RAD17: variants seen among roughly 807,000 people sequenced by gnomAD.
RAD17 encodes the protein cell cycle checkpoint protein RAD17.
RAD17 carries 31 observed loss-of-function variants against 81.5 expected under a neutral mutation model. The ratio of observed to expected loss-of-function variants is 0.38; its 90% CI spans 0.29 to 0.51. The LOEUF (loss-of-function observed/expected upper bound fraction) is 0.51. Ranked by LOEUF, RAD17 falls within the 20% of genes least tolerant of loss-of-function variation. RAD17 has a pLI of 0.88. For synonymous variants in RAD17, 261 were observed against 266.2 expected (o/e 0.98, Z 0.19); for missense variants, 681 against 781.2 (o/e 0.87, Z 1.53).
Position 69,414,432 on chromosome 5 carries a change from A to C in RAD17, c.*140A>C. 1.0e-6 allele frequency: 1 copy of C among 956,610 alleles called. No individual in the cohort carries two copies. The highest frequency in any genetic ancestry group is 1.5e-6 in the Non-Finnish European group (1 of 655,088). 59.3% of individuals were successfully genotyped at this position (956,610 alleles called of 1,614,324 possible). On this transcript the variant is annotated 3_prime_UTR_variant, in exon 19 of 19. Coordinates refer to ENST00000354868, the MANE Select transcript of RAD17 (RefSeq NM_133338.3). Reference sequence around the variant, plus strand: ...TTCATTCTTGTAGTATTTCATCACAAGAAACCTACTCTTCTGTCATCTTGA... The same window carrying C: ...TTCATTCTTGTAGTATTTCATCACACGAAACCTACTCTTCTGTCATCTTGA...
intron 3 of RAD17, 82 bp downstream of exon 3, chr5:69,371,639 TGCTATCAAAGTAATAGAGCCGAGTATCTA>T: frequency 2.7e-6 from 2 of 728,964 alleles, no homozygotes; most frequent in Non-Finnish European, 3.9e-6. Flanking sequence ...AACTTATTAC[TGCTATCAAAGTAATAGAGCCGAGTATCTA>T]TTGTAATTAA....
chr5:69,407,372 A>G (rs961764120), intron 17 of RAD17, among the ~76,000 whole-genome samples: 1 of 151,998 alleles, frequency 6.6e-6, no homozygotes, highest in Admixed American at 6.6e-5. Flanking sequence ...GGTTTTTCTT[A>G]TCAATTTTTA....
intron 4 of RAD17, among the ~76,000 whole-genome samples, chr5:69,372,597 A>T (rs1254290696): frequency 2.0e-5 from 3 of 152,082 alleles, no homozygotes; most frequent in Non-Finnish European, 4.4e-5. Flanking sequence ...TTATTAGCTA[A>T]TAATTTCTAA....
intron 6 of RAD17, among the ~76,000 whole-genome samples, chr5:69,381,249 G>C (rs1423082261): frequency 1.3e-5 from 2 of 152,066 alleles, no homozygotes; most frequent in Non-Finnish European, 2.9e-5. Context: ...GGGAGACCAT[G>C]GCGGGCAAAT....
At chr5:69,379,004 G>C (rs952217988) in intron 6 of RAD17, among the ~76,000 whole-genome samples, 4 of 152,312 alleles carry the variant, frequency 2.6e-5, no homozygotes, top group Non-Finnish European at 5.9e-5. Context: ...CACTTTGGGA[G>C]GTCGAGGTGG....
intron 18 of RAD17, among the ~76,000 whole-genome samples, chr5:69,413,467 T>C (rs1251505399): frequency 6.6e-6 from 1 of 152,226 alleles, no homozygotes; most frequent in Non-Finnish European, 1.5e-5. Context: ...AAAAATTCTT[T>C]ACTGAAGACA....
At chr5:69,398,127 A>T (rs1378646663) in intron 16 of RAD17, among the ~76,000 whole-genome samples, 1 of 152,056 alleles carries the variant, frequency 6.6e-6, no homozygotes, top group Non-Finnish European at 1.5e-5. Flanking sequence ...AAAAAAAAAA[A>T]AGAAAATCAC....
intron 17 of RAD17, among the ~76,000 whole-genome samples, chr5:69,406,937 T>C (rs960582628): frequency 5.3e-5 from 8 of 152,082 alleles, no homozygotes; most frequent in Admixed American, 2.0e-4. Context: ...TAAAACAATA[T>C]GTTGCCCACA....
chr5:69,369,954 G>C (rs1762826110), intron 1 of RAD17, 21 bp downstream of exon 1: 2 of 558,194 alleles, frequency 3.6e-6, no homozygotes, highest in South Asian at 4.6e-5. Context: ...CGCGGTTGCG[G>C]CTATATTATG....
At position 69,391,822 on chromosome 5, in the gene RAD17, A is replaced by G. The variant is rs1764570411; in HGVS notation, c.1007-9A>G. 6.8e-7 allele frequency: 1 copy of G among 1,477,608 alleles called. No individual in the cohort carries two copies. The highest frequency in any genetic ancestry group is 9.0e-7 in the Non-Finnish European group (1 of 1,107,254). The allele number at this position is 1,477,608 out of a possible 1,614,324, so 91.5% of individuals were successfully genotyped here. On this transcript the variant is annotated splice_polypyrimidine_tract_variant and intron_variant, in intron 12 of 18. Transcript: ENST00000354868. Reference sequence around the variant, plus strand: ...TTTAAATATTGTCACTTGGATGTATATTATTCAGGAGAAAACAACTTACGG... The same window carrying G: ...TTTAAATATTGTCACTTGGATGTATGTTATTCAGGAGAAAACAACTTACGG...
At chr5:69,403,458 C>A (rs1392669145) in intron 17 of RAD17, among the ~76,000 whole-genome samples, 1 of 152,272 alleles carries the variant, frequency 6.6e-6, no homozygotes, top group East Asian at 1.9e-4. Context: ...CCAACAGATT[C>A]ATCATGTCCA....
rs754558777 is a variant in RAD17 at position 69,414,016 on chromosome 5, C to T, written c.1752-15C>T. 8.7e-6 allele frequency: 14 copies of T among 1,613,110 alleles called. No individual in the cohort carries two copies. The highest frequency in any genetic ancestry group is 1.1e-5 in the Non-Finnish European group (13 of 1,179,444). ...CCTTTGGTTCTTATTAATGCCTGCACTGTGAATCTGACAGATTGAAAATGG... is the reference window on the plus strand; with the variant it reads ...CCTTTGGTTCTTATTAATGCCTGCATTGTGAATCTGACAGATTGAAAATGG... On this transcript the variant is annotated splice_polypyrimidine_tract_variant and intron_variant, in intron 18 of 18. Coordinates refer to ENST00000354868, the MANE Select transcript of RAD17 (RefSeq NM_133338.3).
upstream of RAD17, chr5:69,369,803 G>A: frequency 7.9e-7 from 1 of 1,264,128 alleles, no homozygotes; most frequent in South Asian, 1.4e-5. Flanking sequence ...CAGTCTGGAA[G>A]GTCCCCGGGA....
chr5:69,371,861 A>G (rs1389270222), intron 3 of RAD17, among the ~76,000 whole-genome samples, 173 bp from the exon 4 acceptor site: 2 of 152,232 alleles, frequency 1.3e-5, no homozygotes, highest in African/African-American at 2.4e-5. Context: ...ACTGCTTCTT[A>G]GAAGTAATGT....
In RAD17 at chr5:69,377,452, T is replaced by TACACACAC. The variant is rs1561238666; in HGVS notation, c.351+2742_351+2743insCACACACA. 3.1e-3 allele frequency among the ~76,000 whole-genome samples: 162 copies of TACACACAC among 52,102 alleles called. 25 individuals are homozygous for TACACACAC. The highest frequency in any genetic ancestry group is 5.3e-3 in the Admixed American group (22 of 4,158). The allele number at this position is 52,102 out of a possible 152,430, so 34.2% of individuals were successfully genotyped here. A position where few individuals can be genotyped will look rare whatever the true frequency, so the allele number is the denominator to read the frequency against. Reference sequence around the variant, plus strand: ...GTGTGTGTGTGTGTATATATATATATATATATATATATATATATATATACA... The same window carrying TACACACAC: ...GTGTGTGTGTGTGTATATATATATATACACACACATATATATATATATATATATATACA... On this transcript the variant is annotated intron_variant, in intron 6 of 18. Transcript: ENST00000354868.
In RAD17 at chr5:69,385,956, T is replaced by A. The variant is rs1580385096; in HGVS notation, c.646-87T>A. Reference sequence around the variant, plus strand: ...TTTAAAATACATTGAATAAATATATTTTTGCCTACCTCAATAAATATAAAT... The same window carrying A: ...TTTAAAATACATTGAATAAATATATATTTGCCTACCTCAATAAATATAAAT... On this transcript the variant is annotated intron_variant, in intron 8 of 18. Transcript: ENST00000354868. 4 of 1,229,972 alleles carry A rather than the reference T, an allele frequency of 3.3e-6. No individual in the cohort carries two copies. The African/African-American group carries it at 4.6e-5, about 14-fold the overall frequency. 76.2% of individuals were successfully genotyped at this position (1,229,972 alleles called of 1,614,324 possible). A position where few individuals can be genotyped will look rare whatever the true frequency, so the allele number is the denominator to read the frequency against.
chr5:69,373,711 T>TAGTTTTAAAGGTTATAAATATATGAATA, intron 4 of RAD17, 119 bp from the exon 5 acceptor site: 6 of 435,610 alleles, frequency 1.4e-5, no homozygotes, highest in South Asian at 4.7e-5. Flanking sequence ...TTTTTTTTTT[T>TAGTTTTAAAGGTTATAAATATATGAATA]TTTTTAAGTT....
intron 11 of RAD17, among the ~76,000 whole-genome samples, 171 bp from the exon 12 acceptor site, chr5:69,388,863 C>A (rs549098359): frequency 6.6e-6 from 1 of 152,158 alleles, no homozygotes; most frequent in Non-Finnish European, 1.5e-5. Flanking sequence ...CTGCCTCAGT[C>A]TCCCAAATTG....
rs1187568852 is a variant in RAD17 at position 69,400,035 on chromosome 5, T to C, written c.1573-14T>C. ...CATTTTTCCTTTCATCTTTTTTTTTTCTTTTCTATACAGTATCGGGAAAAT... is the reference window on the plus strand; with the variant it reads ...CATTTTTCCTTTCATCTTTTTTTTTCCTTTTCTATACAGTATCGGGAAAAT... On this transcript the variant is annotated splice_polypyrimidine_tract_variant and intron_variant, in intron 16 of 18. Transcript: ENST00000354868. 6 of 1,524,656 alleles carry C rather than the reference T, an allele frequency of 3.9e-6. No homozygotes were observed. In the South Asian group the frequency reaches 5.1e-5, roughly 13 times the overall value. The allele number at this position is 1,524,656 out of a possible 1,614,324, so 94.4% of individuals were successfully genotyped here.
Sources: gnomAD v4.1 joint callset for allele counts (sites outside exome capture counted in the v4.1 genomes callset) on GRCh38, gnomAD v4.1.1 for gene constraint, MANE v1.5 for transcripts, NCBI Gene and HGNC (gene_info 2026-07-23, HGNC 2026-07-21) for gene names.